The following RNF138 variants were observed in gnomAD, a reference collection of about 807,000 sequenced individuals.
The protein encoded by RNF138 is E3 ubiquitin-protein ligase RNF138.
In RNF138, 12 loss-of-function variants were observed where a neutral mutation model predicts 31.0. That is an observed-to-expected ratio of 0.39 (90% CI 0.25 to 0.63). The LOEUF (loss-of-function observed/expected upper bound fraction) is 0.63. RNF138 is among the 20% of genes least tolerant of loss of function. The pLI, the probability that RNF138 is intolerant of heterozygous loss-of-function variation, is 0.52. For missense variants in RNF138, 192 were observed against 300.1 expected, an observed-to-expected ratio of 0.64 and a Z score of 2.66; for synonymous variants, 105 against 99.5, an observed-to-expected ratio of 1.06 and a Z score of -0.33.
intron 2 of RNF138, among the ~76,000 whole-genome samples, chr18:32,102,697 A>T (rs1317596583): frequency 3.3e-5 from 5 of 150,462 alleles, no homozygotes; most frequent in Non-Finnish European, 7.4e-5. Context: ...CAGTGGCACT[A>T]TCTCGGCTCA....
intron 4 of RNF138, among the ~76,000 whole-genome samples, chr18:32,121,630 CA>C (rs2040307711): frequency 6.6e-6 from 1 of 152,178 alleles, no homozygotes; most frequent in African/African-American, 2.4e-5. Flanking sequence ...AGGGCACATT[CA>C]AAACCCAGTG....
chr18:32,111,857 GC>G lies in RNF138; in HGVS notation c.216del (p.Leu73Ter), dbSNP rs2040137194. 1 of 1,613,694 alleles carries G rather than the reference GC, an allele frequency of 6.2e-7. No homozygotes were observed. The highest frequency in any genetic ancestry group is 1.1e-5 in the South Asian group (1 of 91,042). On this transcript the variant is annotated frameshift_variant, in exon 3 of 8. Coordinates refer to ENST00000261593, the MANE Select transcript of RNF138 (RefSeq NM_016271.5). LOFTEE classifies it high-confidence loss of function. Reference sequence around the variant, plus strand: ...AAGAGAGAGAGCATGTCCTGAACGGGCCTTAGACCTTGAAAATATAATGAGG... The same window carrying G: ...AAGAGAGAGAGCATGTCCTGAACGGGCTTAGACCTTGAAAATATAATGAGG... The part of the protein sequence containing the change: ...TRRERACPER[A>X]LDLENIMRKF...
At chr18:32,126,610 C>T in intron 6 of RNF138, 83 bp from the exon 7 acceptor site, 1 of 816,256 alleles carries the variant, frequency 1.2e-6, no homozygotes, top group South Asian at 1.8e-5. Flanking sequence ...GGTAACATAT[C>T]CCTGTGTTAT....
chr18:32,122,036 T>G (rs1191695909), intron 4 of RNF138, among the ~76,000 whole-genome samples: 1 of 152,020 alleles, frequency 6.6e-6, no homozygotes, highest in Non-Finnish European at 1.5e-5. Context: ...ACCCGGCTAA[T>G]TTTTGTATTT....
At chr18:32,119,548 C>T (rs570711078) in intron 4 of RNF138, among the ~76,000 whole-genome samples, 2 of 152,278 alleles carry the variant, frequency 1.3e-5, no homozygotes, top group African/African-American at 4.8e-5. Context: ...CTCAGACTCC[C>T]GAGTAGCTGG....
At chr18:32,093,885 C>T (rs1255530523) in intron 2 of RNF138, among the ~76,000 whole-genome samples, 3 of 152,148 alleles carry the variant, frequency 2.0e-5, no homozygotes, top group African/African-American at 4.8e-5. Context: ...CATACCAATT[C>T]CCAGGCTCCA....
At chr18:32,112,254 C>G (rs1004392625) in intron 3 of RNF138, among the ~76,000 whole-genome samples, 1 of 152,122 alleles carries the variant, frequency 6.6e-6, no homozygotes, top group Non-Finnish European at 1.5e-5. Flanking sequence ...ACAAATTCAC[C>G]CCTTAAGTTT....
chr18:32,118,657 T>A (rs2040254644), intron 4 of RNF138, among the ~76,000 whole-genome samples: 1 of 151,256 alleles, frequency 6.6e-6, no homozygotes, highest in African/African-American at 2.4e-5. Context: ...GGTGAAACCT[T>A]GTCTCTCCCA....
At chr18:32,092,629 A>C (rs1029832306) in intron 1 of RNF138, 71 bp from the exon 2 acceptor site, 2 of 636,830 alleles carry the variant, frequency 3.1e-6, no homozygotes, top group South Asian at 1.7e-5. Flanking sequence ...CGCCCTACCC[A>C]GGGCCCCGCC....
intron 6 of RNF138, 108 bp downstream of exon 6, chr18:32,124,953 G>A: frequency 1.6e-6 from 1 of 632,568 alleles, no homozygotes; most frequent in Non-Finnish European, 2.8e-6. Flanking sequence ...TTTGGTTGGG[G>A]CATTATCAGT....
At chr18:32,094,109 A>T (rs1057167600) in intron 2 of RNF138, among the ~76,000 whole-genome samples, 8 of 152,202 alleles carry the variant, frequency 5.3e-5, no homozygotes, top group Non-Finnish European at 1.0e-4. Context: ...TTTATTTTTA[A>T]AAAACACACT....
rs2039698979 is a variant in RNF138, at chr18:32,092,073, G to A, written c.-240G>A. The A allele has an allele frequency of 6.6e-6, 1 of 152,530 alleles. No homozygotes were observed. Among genetic ancestry groups the A allele is most frequent in the Admixed American group, 6.5e-5 (1 of 15,298 alleles). 9.4% of individuals were successfully genotyped at this position (152,530 alleles called of 1,614,324 possible). ...TGAGCCTCGGCTCCGGCCCCGTTAG[G>A]GGCCGATAAGCACAGCGCACGCCGC... On this transcript the variant is annotated 5_prime_UTR_variant, in exon 1 of 8. Transcript: ENST00000261593.
At chr18:32,107,694 G>T (rs1250753873) in intron 2 of RNF138, among the ~76,000 whole-genome samples, 2 of 145,110 alleles carry the variant, frequency 1.4e-5, no homozygotes, top group Non-Finnish European at 3.0e-5. Flanking sequence ...CTAATTTTTT[G>T]TATTAGTCAA....
chr18:32,108,541 A>G lies in RNF138; in HGVS notation c.111-3213A>G, dbSNP rs540009473. 4.6e-5 allele frequency among the ~76,000 whole-genome samples: 7 copies of G among 152,204 alleles called. No individual in the cohort carries two copies. The South Asian group carries it at 6.2e-4, about 14-fold the overall frequency. ...TCATATTGTAATTTTCATTTTGTGA[A>G]TATACCATAATTAGTTATGCATTCT... On this transcript the variant is annotated intron_variant, in intron 2 of 7. Transcript: ENST00000261593.
At chr18:32,126,141 T>C (rs1169682744) in intron 6 of RNF138, among the ~76,000 whole-genome samples, 1 of 150,866 alleles carries the variant, frequency 6.6e-6, no homozygotes, top group Non-Finnish European at 1.5e-5. Context: ...ATGCCTTTAA[T>C]CCCAGCACTT....
At chr18:32,100,549 C>T (rs1411409347) in intron 2 of RNF138, among the ~76,000 whole-genome samples, 1 of 143,764 alleles carries the variant, frequency 7.0e-6, no homozygotes, top group African/African-American at 2.6e-5. Context: ...GATCTCGGCT[C>T]ACTGCAACCT....
chr18:32,112,779 T>C (rs1340179482), intron 3 of RNF138, among the ~76,000 whole-genome samples: 3 of 152,202 alleles, frequency 2.0e-5, no homozygotes, highest in Non-Finnish European at 4.4e-5. Context: ...ATTAATTCTC[T>C]AATCTGGATT....
At chr18:32,115,162 C>A (rs1052906911) in intron 4 of RNF138, among the ~76,000 whole-genome samples, 4 of 152,064 alleles carry the variant, frequency 2.6e-5, no homozygotes, top group Admixed American at 2.6e-4. Flanking sequence ...ATATCTCCAG[C>A]TTTTAGTAAA....
chr18:32,102,004 G>A (rs1368340027), intron 2 of RNF138, among the ~76,000 whole-genome samples: 1 of 150,996 alleles, frequency 6.6e-6, no homozygotes, highest in Non-Finnish European at 1.5e-5. Flanking sequence ...AGCCTCCCAA[G>A]TAGCTGGGAC....
Sources: gnomAD v4.1 joint callset for allele counts (sites outside exome capture counted in the v4.1 genomes callset) on GRCh38, gnomAD v4.1.1 for gene constraint, MANE v1.5 for transcripts, NCBI Gene and HGNC (gene_info 2026-07-23, HGNC 2026-07-21) for gene names.